NYAP2: variants seen among roughly 807,000 people sequenced by gnomAD.
NYAP2 encodes the protein neuronal tyrosine-phosphorylated phosphoinositide-3-kinase adapter 2.
In NYAP2, 23 loss-of-function variants were observed where a neutral mutation model predicts 50.4. The observed-to-expected ratio is 0.46, with a 90% CI of 0.33 to 0.65. NYAP2 has a LOEUF of 0.65. Ranked by LOEUF, NYAP2 falls within the 30% of genes least tolerant of loss-of-function variation. The pLI is 0.02. For synonymous variants in NYAP2, 394 were observed against 365.2 expected (o/e 1.08, Z -0.90); for missense variants, 885 against 861.0 (o/e 1.03, Z -0.35).
At chr2:225,533,785 T>A (rs1022803201) in intron 4 of NYAP2, among the ~76,000 whole-genome samples, 2 of 152,208 alleles carry the variant, frequency 1.3e-5, no homozygotes, top group African/African-American at 4.8e-5. Flanking sequence ...AGTAGCCAGA[T>A]AAATGAAAAT....
the NYAP2 span, among the ~76,000 whole-genome samples, chr2:225,691,121 T>C: frequency 4.1e-4 from 62 of 152,274 alleles, no homozygotes; most frequent in African/African-American, 1.4e-3. Context: ...GTTTTTCAGA[T>C]AGTTTATGCA....
chr2:225,416,305 T>G (rs2106123887), intron 3 of NYAP2, among the ~76,000 whole-genome samples: 1 of 152,278 alleles, frequency 6.6e-6, no homozygotes, highest in African/African-American at 2.4e-5. Context: ...AACCATAAAA[T>G]TAGACCAGAA....
chr2:225,595,179 A>G (rs1297758602), intron 5 of NYAP2, among the ~76,000 whole-genome samples: 2 of 152,230 alleles, frequency 1.3e-5, no homozygotes, highest in Non-Finnish European at 2.9e-5. Flanking sequence ...TGGAACTGAT[A>G]TAATAAAGAT....
At chr2:225,555,186 C>G (rs1233917837) in intron 4 of NYAP2, among the ~76,000 whole-genome samples, 2 of 152,126 alleles carry the variant, frequency 1.3e-5, no homozygotes, top group South Asian at 4.1e-4. Context: ...TTTGATCAAC[C>G]ATTTGGAAGG....
the NYAP2 span, among the ~76,000 whole-genome samples, chr2:225,696,083 C>T: frequency 6.6e-6 from 1 of 151,886 alleles, no homozygotes; most frequent in African/African-American, 2.4e-5. Context: ...AACAGTAATA[C>T]ATACAACAAT....
chr2:225,602,293 C>T (rs181564180), intron 5 of NYAP2, among the ~76,000 whole-genome samples: 283 of 152,150 alleles, frequency 1.9e-3, no homozygotes, highest in African/African-American at 6.2e-3. Flanking sequence ...CGGTCAATTA[C>T]GGAGAGGTAG....
At chr2:225,481,389 A>G (rs1358630731) in intron 3 of NYAP2, among the ~76,000 whole-genome samples, 1 of 152,130 alleles carries the variant, frequency 6.6e-6, no homozygotes, top group Admixed American at 6.6e-5. Context: ...TAGGATAATA[A>G]TACTCTCTAA....
At chr2:225,700,360 T>C in the NYAP2 span, 1 of 151,706 alleles carries the variant, frequency 6.6e-6, no homozygotes, top group Non-Finnish European at 1.5e-5. Flanking sequence ...GGGAGAACTG[T>C]ATACATAAAA....
intron 3 of NYAP2, among the ~76,000 whole-genome samples, chr2:225,491,909 C>G (rs964678216): frequency 1.3e-5 from 2 of 152,150 alleles, no homozygotes; most frequent in African/African-American, 4.8e-5. Context: ...TGGATGTTCT[C>G]CAGTAGTGAA....
At chr2:225,608,886 G>A (rs967119715) in intron 5 of NYAP2, among the ~76,000 whole-genome samples, 1 of 152,042 alleles carries the variant, frequency 6.6e-6, no homozygotes, top group Non-Finnish European at 1.5e-5. Flanking sequence ...ATGTCACCCT[G>A]GACTGTTCTC....
intron 4 of NYAP2, among the ~76,000 whole-genome samples, chr2:225,539,889 A>G (rs1429043600): frequency 6.6e-6 from 1 of 151,976 alleles, no homozygotes; most frequent in East Asian, 1.9e-4. Flanking sequence ...ACCCAAGTCA[A>G]CTCTTGAATG....
chr2:225,633,362 T>C (rs923325357), intron 6 of NYAP2, among the ~76,000 whole-genome samples: 3 of 152,222 alleles, frequency 2.0e-5, no homozygotes, highest in African/African-American at 7.2e-5. Context: ...CGTGTTCAAC[T>C]TTCTGTGCTT....
At chr2:225,545,064 G>C (rs1455139419) in intron 4 of NYAP2, among the ~76,000 whole-genome samples, 1 of 152,062 alleles carries the variant, frequency 6.6e-6, no homozygotes, top group Non-Finnish European at 1.5e-5. Flanking sequence ...CAGACTTATT[G>C]GAGCTTCATC....
chr2:225,502,310 C>G (rs534193311), intron 3 of NYAP2, among the ~76,000 whole-genome samples: 1 of 152,232 alleles, frequency 6.6e-6, no homozygotes, highest in South Asian at 2.1e-4. Flanking sequence ...CCAACAGGGA[C>G]AAAAATTAAT....
chr2:225,498,700 A>G (rs539843061), intron 3 of NYAP2, among the ~76,000 whole-genome samples: 1 of 152,280 alleles, frequency 6.6e-6, no homozygotes, highest in South Asian at 2.1e-4. Context: ...TTTGGAAAAT[A>G]GGGAATAGAT....
chr2:225,533,439 C>A (rs1032502309), intron 4 of NYAP2, among the ~76,000 whole-genome samples: 6 of 152,162 alleles, frequency 3.9e-5, no homozygotes, highest in Non-Finnish European at 5.9e-5. Flanking sequence ...ATAATCCCAG[C>A]ACTTTGGAAG....
At chr2:225,462,358 T>C (rs1012799734) in intron 3 of NYAP2, among the ~76,000 whole-genome samples, 6 of 152,126 alleles carry the variant, frequency 3.9e-5, no homozygotes, top group African/African-American at 1.4e-4. Flanking sequence ...ACTTTCTTTC[T>C]GTGTGTTCTC....
intron 4 of NYAP2, among the ~76,000 whole-genome samples, chr2:225,531,205 C>T (rs1239021332): frequency 6.6e-6 from 1 of 152,192 alleles, no homozygotes; most frequent in African/African-American, 2.4e-5. Context: ...CCAACCATGC[C>T]TCTTACAGCC....
intron 5 of NYAP2, among the ~76,000 whole-genome samples, chr2:225,621,543 C>T (rs1019214002): frequency 2.0e-5 from 3 of 151,890 alleles, no homozygotes; most frequent in African/African-American, 4.8e-5. Flanking sequence ...AAGAGCCCTG[C>T]AGATTGATTA....
Sources: gnomAD v4.1 joint callset for allele counts (sites outside exome capture counted in the v4.1 genomes callset) on GRCh38, gnomAD v4.1.1 for gene constraint, MANE v1.5 for transcripts, NCBI Gene and HGNC (gene_info 2026-07-23, HGNC 2026-07-21) for gene names.